The following CES3 variants were observed in gnomAD, a reference collection of about 807,000 sequenced individuals.
The protein encoded by CES3 is carboxylesterase 3 (brain).
CES3 carries 49 observed loss-of-function variants against 57.6 expected under a neutral mutation model. That is an observed-to-expected ratio of 0.85 (90% confidence interval 0.68 to 1.08). The LOEUF is 1.08. Ranked by LOEUF, CES3 falls within the 50% of genes least tolerant of loss-of-function variation. CES3 has a pLI of 0.00. For synonymous variants in CES3, 266 were observed against 281.6 expected (o/e 0.94, Z 0.55); for missense variants, 645 against 742.0 (o/e 0.87, Z 1.52).
At chr16:66,970,501 A>C (rs1345004597) in intron 9 of CES3, among the ~76,000 whole-genome samples, 1 of 152,250 alleles carries the variant, frequency 6.6e-6, no homozygotes, top group Non-Finnish European at 1.5e-5. Context: ...GGGCAGAGGC[A>C]GAGTTTAAGC....
At position 66,963,657 on chromosome 16, in the gene CES3, C is replaced by T. The variant is rs765540134; in HGVS notation, c.426+28C>T. ...AGGCACCCCAGAGGGCCCTGTCCAC[C>T]TGATCCAGCTCCACTATGCCTACCT... On this transcript the variant is annotated intron_variant, in intron 3 of 12. Transcript: ENST00000303334. This position sits in a 1 kb window ranked among gnomAD's most constrained non-coding sequence, Gnocchi z 4.9. The T allele has an allele frequency of 9.9e-6, 16 of 1,613,736 alleles. No individual in the cohort carries two copies. The highest frequency in any genetic ancestry group is 6.7e-5 in the Admixed American group (4 of 60,006).
chr16:66,972,533 C>T, intron 11 of CES3, 28 bp downstream of exon 11: 2 of 1,606,274 alleles, frequency 1.2e-6, no homozygotes, highest in Non-Finnish European at 1.7e-6. Context: ...GACATGTGAT[C>T]CCTAGGCTGC....
intron 12 of CES3, 30 bp from the exon 13 acceptor site, chr16:66,972,824 C>G (rs1963863092): frequency 6.2e-7 from 1 of 1,613,736 alleles, no homozygotes; most frequent in Non-Finnish European, 8.5e-7. Flanking sequence ...GCACAGGAAG[C>G]CTTGGTCCTC....
At position 66,963,771 on chromosome 16, in the gene CES3, G is replaced by A. The variant is rs1344741488; in HGVS notation, c.427-31G>A. The A allele has an allele frequency of 5.6e-6, 9 of 1,609,286 alleles. No individual in the cohort carries two copies. Among genetic ancestry groups the A allele is most frequent in the Non-Finnish European group, 6.8e-6 (8 of 1,175,918 alleles). On this transcript the variant is annotated intron_variant, in intron 3 of 12. Transcript: ENST00000303334. The surrounding 1 kb of genome is among the most constrained non-coding windows in gnomAD (Gnocchi z 4.9). ...TGGGCAGCTAAGGTCTCAGGAGCTT[G>A]GGGGTCAGTGCCCCATGGCCACCTC...
At chr16:66,970,081 C>T (rs982671667) in intron 9 of CES3, among the ~76,000 whole-genome samples, 29 of 151,350 alleles carry the variant, frequency 1.9e-4, no homozygotes, top group African/African-American at 7.0e-4. Flanking sequence ...CTCACTGCAA[C>T]TCTGTTTTCT....
chr16:66,965,869 C>T (rs1450358276), intron 6 of CES3, among the ~76,000 whole-genome samples: 2 of 152,088 alleles, frequency 1.3e-5, no homozygotes, highest in South Asian at 2.1e-4. Flanking sequence ...GAACCCGGGA[C>T]GCAGAGCTTG....
At chr16:66,966,497 G>A (rs1191833983) in intron 7 of CES3, 152 bp downstream of exon 7, 1 of 850,716 alleles carries the variant, frequency 1.2e-6, no homozygotes, top group Non-Finnish European at 1.8e-6. Flanking sequence ...GACAGAAATG[G>A]AGGGCCATCT....
chr16:66,970,861 A>G (rs954008996), intron 9 of CES3, among the ~76,000 whole-genome samples: 1 of 152,070 alleles, frequency 6.6e-6, no homozygotes, highest in Non-Finnish European at 1.5e-5. Flanking sequence ...GTTAACTTCA[A>G]CCGAGCACCT....
At position 66,967,406 on chromosome 16, in the gene CES3, C is replaced by G. The variant is rs148183435; in HGVS notation, c.1062+541C>G. On this transcript the variant is annotated intron_variant, in intron 8 of 12. Coordinates refer to ENST00000303334, the MANE Select transcript of CES3 (RefSeq NM_024922.6). ...TTTGCACAAACTGGCCTTCTGGGCA[C>G]TGCTGATCTGGGCAGCATATTCCTG... 4.2e-4 allele frequency: 305 copies of G among 734,250 alleles called. No individual in the cohort carries two copies. In the African/African-American group the frequency reaches 5.6e-3, roughly 14 times the overall value. 45.5% of individuals were successfully genotyped at this position (734,250 alleles called of 1,614,324 possible). A position where few individuals can be genotyped will look rare whatever the true frequency, so the allele number is the denominator to read the frequency against.
Position 66,964,374 on chromosome 16 carries a change from C to CAT in CES3, c.579_580insTA (p.Pro194TyrfsTer8), listed in dbSNP as rs1963699585. ...GCCCCCAGCACTGGAGATGAGCATGCACCTGGCAACCAGGGCTTCCTAGAT... is the reference window on the plus strand; with the variant it reads ...GCCCCCAGCACTGGAGATGAGCATGCATACCTGGCAACCAGGGCTTCCTAGAT... On this transcript the variant is annotated frameshift_variant, in exon 5 of 13. Transcript: ENST00000303334. LOFTEE classifies it high-confidence loss of function. The CAT allele has an allele frequency of 6.2e-7, 1 of 1,613,922 alleles. No homozygotes were observed. The highest frequency in any genetic ancestry group is 2.2e-5 in the East Asian group (1 of 44,864).
intron 8 of CES3, chr16:66,967,483 C>T: frequency 2.0e-6 from 2 of 985,732 alleles, no homozygotes; most frequent in Non-Finnish European, 2.4e-6. Flanking sequence ...TAGTGTGACT[C>T]TGTGCCAGAG....
intron 8 of CES3, among the ~76,000 whole-genome samples, chr16:66,968,791 G>A (rs1963780499): frequency 6.6e-6 from 1 of 152,070 alleles, no homozygotes; most frequent in African/African-American, 2.4e-5. Context: ...GTGCATGCCT[G>A]TAATTCCAGC....
chr16:66,967,595 G>A (rs1963753732), intron 8 of CES3: 14 of 985,278 alleles, frequency 1.4e-5, no homozygotes, highest in Non-Finnish European at 1.4e-5. Context: ...TCCCACAAGA[G>A]TGTCAGCACT....
chr16:66,972,392 A>G lies in CES3; in HGVS notation c.1328A>G (p.His443Arg). 1 of 1,612,024 alleles carries G rather than the reference A, an allele frequency of 6.2e-7. No homozygotes were observed. Among genetic ancestry groups the G allele is most frequent in the East Asian group, 2.2e-5 (1 of 44,840 alleles). Residue 443 changes from histidine (H) to arginine (R), a missense_variant, in exon 11 of 13, where the codon CAT becomes CGT. His to Arg is a conservative substitution (Grantham distance 29). Coordinates refer to ENST00000303334, the MANE Select transcript of CES3 (RefSeq NM_024922.6). ...CCTGTCTTTTTCTATGAGTTCCAGCATCGACCCAGTTCTTTTGCGAAGATC... is the reference window on the plus strand; with the variant it reads ...CCTGTCTTTTTCTATGAGTTCCAGCGTCGACCCAGTTCTTTTGCGAAGATC... ...GSPVFFYEFQ[H>R]RPSSFAKIKP...
chr16:66,966,817 C>T lies in CES3; in HGVS notation c.1014C>T (p.Pro338=). ...LLKEKPFHSV[P]FLMGVNNHEF... is the part of the protein sequence containing the mutation. ...AGGAGAAGCCCTTCCACTCTGTGCCCTTCCTCATGGGTGTCAACAACCATG... is the reference window on the plus strand; with the variant it reads ...AGGAGAAGCCCTTCCACTCTGTGCCTTTCCTCATGGGTGTCAACAACCATG... The change falls in exon 8 of 13, where the codon CCC becomes CCT. Residue 338 remains proline (P), a synonymous_variant. Coordinates refer to ENST00000303334, the MANE Select transcript of CES3 (RefSeq NM_024922.6). The T allele has an allele frequency of 6.2e-7, 1 of 1,614,176 alleles. No individual in the cohort carries two copies. Among genetic ancestry groups the T allele is most frequent in the Non-Finnish European group, 8.5e-7 (1 of 1,180,036 alleles).
At chr16:66,962,951 G>A in intron 1 of CES3, 1 of 694,036 alleles carries the variant, frequency 1.4e-6, no homozygotes. Context: ...CAAGGCACAA[G>A]GCCCTAGTGG....
rs1963799224 is a variant in CES3, at chr16:66,969,776, G to A, written c.1143+17G>A. 6.2e-7 allele frequency: 1 copy of A among 1,604,532 alleles called. No homozygotes were observed. Among genetic ancestry groups the A allele is most frequent in the African/African-American group, 1.3e-5 (1 of 74,712 alleles). ...ACCAGTCTGGTGAGACAAGAGGCAGGAGGGAGGAAGCTAGGGCAGGAGGGA... is the reference window on the plus strand; with the variant it reads ...ACCAGTCTGGTGAGACAAGAGGCAGAAGGGAGGAAGCTAGGGCAGGAGGGA... On this transcript the variant is annotated intron_variant, in intron 9 of 12. Coordinates refer to ENST00000303334, the MANE Select transcript of CES3 (RefSeq NM_024922.6).
In CES3 at chr16:66,973,102, G is replaced by C; in HGVS notation, c.*53G>C. On this transcript the variant is annotated 3_prime_UTR_variant, in exon 13 of 13. Coordinates refer to ENST00000303334, the MANE Select transcript of CES3 (RefSeq NM_024922.6). ...GCAAACCACTCTTCAAGTGGTGGCA[G>C]AGTCCCAGCACGGCAGCCCGCCTCT... The C allele has an allele frequency of 6.5e-7, 1 of 1,545,396 alleles. No homozygotes were observed. The highest frequency in any genetic ancestry group is 8.9e-7 in the Non-Finnish European group (1 of 1,127,834).
In CES3 at chr16:66,971,252, G is replaced by C. The variant is rs8048523; in HGVS notation, c.1224G>C (p.Ala408=). 1 of 1,613,958 alleles carries C rather than the reference G, an allele frequency of 6.2e-7. No individual in the cohort carries two copies. Among genetic ancestry groups the C allele is most frequent in the African/African-American group, 1.3e-5 (1 of 74,924 alleles). Reference sequence around the variant, plus strand: ...CGGACGCACAAGCCAAATGCCAGGCGTTCCAGGAATTCATGGGTGACGTAT... The same window carrying C: ...CGGACGCACAAGCCAAATGCCAGGCCTTCCAGGAATTCATGGGTGACGTAT... ...SNSDAQAKCQ[A]FQEFMGDVFI... is the part of the protein sequence containing the mutation. Residue 408 remains alanine, a synonymous_variant, in exon 10 of 13, where the codon GCG becomes GCC. Coordinates refer to ENST00000303334, the MANE Select transcript of CES3 (RefSeq NM_024922.6).
Sources: gnomAD v4.1 joint callset for allele counts (sites outside exome capture counted in the v4.1 genomes callset) on GRCh38, gnomAD v4.1.1 for gene constraint, Gnocchi (gnomAD v3.1) non-coding constraint, MANE v1.5 for transcripts, NCBI Gene and HGNC (gene_info 2026-07-23, HGNC 2026-07-21) for gene names.